CTCF: variants seen among roughly 807,000 people sequenced by gnomAD.
CTCF encodes CCCTC-binding factor.
In CTCF, 7 loss-of-function variants were observed where a neutral mutation model predicts 72.3. The ratio of observed to expected loss-of-function variants is 0.10; its 90% CI spans 0.06 to 0.18. The LOEUF (loss-of-function observed/expected upper bound fraction) is 0.18, where lower values mean the gene tolerates loss of function less well. Among genes scored for constraint, CTCF ranks in the 10% least tolerant of loss-of-function variants. CTCF has a pLI of 1.00. For missense variants in CTCF, 516 were observed against 949.1 expected (o/e 0.54, Z 6.00); for synonymous variants, 374 against 315.8 (o/e 1.18, Z -1.95).
At chr16:67,618,310 G>T (rs1597719098) in intron 5 of CTCF, among the ~76,000 whole-genome samples, 1 of 152,282 alleles carries the variant, frequency 6.6e-6, no homozygotes, top group South Asian at 2.1e-4. Flanking sequence ...CCTGAGGCAG[G>T]AGAATCACTT....
intron 2 of CTCF, among the ~76,000 whole-genome samples, chr16:67,602,631 C>G (rs1384242388): frequency 6.6e-6 from 1 of 151,928 alleles, no homozygotes; most frequent in Admixed American, 6.6e-5. Context: ...TACCTGAGGT[C>G]AGGAGTTCAA....
At position 67,639,058 on chromosome 16, in the gene CTCF, AT is replaced by A; in HGVS notation, c.*1191del. ...TTTGTACTTAGCTGTACTGTGTGAT[AT>A]TTTTCATTATTTTAGGACGCCAACA... On this transcript the variant is annotated 3_prime_UTR_variant, in exon 12 of 12. Transcript: ENST00000264010. 5.0e-6 allele frequency: 1 copy of A among 202,010 alleles called. No individual in the cohort carries two copies. Among genetic ancestry groups the A allele is most frequent in the Non-Finnish European group, 1.0e-5 (1 of 97,966 alleles). The allele number at this position is 202,010 out of a possible 1,614,324, so 12.5% of individuals were successfully genotyped here.
chr16:67,612,217 G>C, intron 4 of CTCF, 96 bp downstream of exon 4: 1 of 1,156,608 alleles, frequency 8.6e-7, no homozygotes, highest in Middle Eastern at 2.3e-4. Context: ...TTTAAAGGAA[G>C]TTTTTATTAT....
chr16:67,636,512 C>T (rs571535567), intron 10 of CTCF, among the ~76,000 whole-genome samples, 178 bp from the exon 11 acceptor site: 2 of 146,570 alleles, frequency 1.4e-5, no homozygotes, highest in East Asian at 3.9e-4. Context: ...CGCGCCACTG[C>T]ACTCCAGCCT....
At chr16:67,624,118 T>TGTGTGTGTA (rs2052247423) in intron 7 of CTCF, among the ~76,000 whole-genome samples, 1 of 120,982 alleles carries the variant, frequency 8.3e-6, no homozygotes, top group Non-Finnish European at 1.8e-5. Flanking sequence ...TGTGTGTGTA[T>TGTGTGTGTA]GTGTGTGTAT....
At chr16:67,629,287 A>T in intron 9 of CTCF, 111 bp from the exon 10 acceptor site, 1 of 996,104 alleles carries the variant, frequency 1.0e-6, no homozygotes. Context: ...GGACACACTT[A>T]GCAGATACTA....
At chr16:67,626,452 CAA>C (rs373304235) in intron 7 of CTCF, 101 bp from the exon 8 acceptor site, 19,791 of 370,182 alleles carry the variant, frequency 0.053, no homozygotes, top group East Asian at 0.068. Flanking sequence ...GACTCCGTCT[CAA>C]AAAAAAAAAA....
intron 2 of CTCF, among the ~76,000 whole-genome samples, chr16:67,584,043 T>TTGTGTGCAGCCTCAC (rs60959551): frequency 0.18 from 27,193 of 151,756 alleles, 3,274 homozygotes; most frequent in African/African-American, 0.33. Context: ...TGCTTCATGC[T>TTGTGTGCAGCCTCAC]TGTGTGCAGC....
At chr16:67,579,703 C>G (rs1234617776) in intron 2 of CTCF, among the ~76,000 whole-genome samples, 1 of 152,020 alleles carries the variant, frequency 6.6e-6, no homozygotes, top group Non-Finnish European at 1.5e-5. Flanking sequence ...TGTTTTTAAT[C>G]TTTTGCCATT....
At chr16:67,593,476 G>A (rs927134832) in intron 2 of CTCF, among the ~76,000 whole-genome samples, 1 of 152,088 alleles carries the variant, frequency 6.6e-6, no homozygotes, top group Non-Finnish European at 1.5e-5. Flanking sequence ...ATTCGCTTAG[G>A]ATAATGACCT....
intron 2 of CTCF, among the ~76,000 whole-genome samples, chr16:67,577,312 G>A (rs1021679880): frequency 7.4e-5 from 11 of 149,368 alleles, no homozygotes; most frequent in African/African-American, 2.7e-4. Flanking sequence ...AGCTACTTGA[G>A]GAGGTTGAGG....
At chr16:67,574,967 A>G (rs1173999157) in intron 2 of CTCF, among the ~76,000 whole-genome samples, 1 of 152,058 alleles carries the variant, frequency 6.6e-6, no homozygotes. Context: ...AAAAGCATCT[A>G]TTCTTAACTG....
chr16:67,621,199 A>C (rs1350873148), intron 6 of CTCF: 2 of 415,638 alleles, frequency 4.8e-6, no homozygotes, highest in Non-Finnish European at 8.7e-6. Flanking sequence ...CCCCAAAGGT[A>C]AGCATTGCTG....
intron 2 of CTCF, among the ~76,000 whole-genome samples, chr16:67,573,529 C>T (rs2051453709): frequency 6.6e-6 from 1 of 152,138 alleles, no homozygotes; most frequent in Non-Finnish European, 1.5e-5. Flanking sequence ...TAACATAGGT[C>T]TTCAACAAAA....
intron 1 of CTCF, among the ~76,000 whole-genome samples, chr16:67,569,941 T>A (rs1317762015): frequency 1.3e-5 from 2 of 152,174 alleles, no homozygotes; most frequent in South Asian, 4.1e-4. Context: ...CTGCCTTGGC[T>A]TCCCCAGTTA....
chr16:67,564,448 T>C (rs1283882637), intron 1 of CTCF, among the ~76,000 whole-genome samples: 1 of 152,232 alleles, frequency 6.6e-6, no homozygotes. Flanking sequence ...GCAGTCCTCT[T>C]CGTAGGCACG....
intron 2 of CTCF, among the ~76,000 whole-genome samples, chr16:67,608,979 G>A (rs2052018544): frequency 6.6e-6 from 1 of 152,138 alleles, no homozygotes; most frequent in African/African-American, 2.4e-5. Flanking sequence ...GACCTCAGGT[G>A]ATCCACACAC....
intron 7 of CTCF, among the ~76,000 whole-genome samples, chr16:67,624,736 A>G (rs1488754528): frequency 6.6e-6 from 1 of 151,366 alleles, no homozygotes; most frequent in East Asian, 1.9e-4. Context: ...CCACAGGCAC[A>G]TGCCACGATG....
intron 2 of CTCF, among the ~76,000 whole-genome samples, chr16:67,604,230 G>A (rs2051938783): frequency 3.9e-5 from 6 of 152,082 alleles, no homozygotes; most frequent in Admixed American, 3.9e-4. Context: ...GATCACTGGA[G>A]CCCAGGAGTT....
Sources: gnomAD v4.1 joint callset for allele counts (sites outside exome capture counted in the v4.1 genomes callset) on GRCh38, gnomAD v4.1.1 for gene constraint, MANE v1.5 for transcripts, NCBI Gene and HGNC (gene_info 2026-07-23, HGNC 2026-07-21) for gene names.